The following CPXM2 variants were observed in gnomAD, a reference collection of about 807,000 sequenced individuals.
CPXM2 encodes the protein carboxypeptidase X, M14 family member 2.
A neutral mutation model predicts 86.1 loss-of-function variants in CPXM2; 66 were observed. The ratio of observed to expected loss-of-function variants is 0.77; its 90% CI spans 0.63 to 0.94. CPXM2 has a LOEUF of 0.94. Among genes scored for constraint, CPXM2 ranks in the 40% least tolerant of loss-of-function variants. The pLI is 0.00. For missense variants in CPXM2, 948 were observed against 1,026.3 expected (o/e 0.92, Z 1.04); for synonymous variants, 388 against 400.2 (o/e 0.97, Z 0.36).
At chr10:123,852,573 C>T (rs7094228) in intron 3 of CPXM2, among the ~76,000 whole-genome samples, 17,777 of 152,218 alleles carry the variant, frequency 0.12, 1,290 homozygotes, top group East Asian at 0.33. Flanking sequence ...CATGTCATTC[C>T]TGTGTCCAGA....
intron 2 of CPXM2, 66 bp downstream of exon 2, chr10:123,880,145 T>TGGGCCCCCCCCCCC: frequency 1.2e-5 from 5 of 407,572 alleles, no homozygotes; most frequent in East Asian, 4.9e-5. Flanking sequence ...CAGGGGCCTG[T>TGGGCCCCCCCCCCC]ACCCACCCAC....
chr10:123,860,213 C>T (rs984349138), intron 3 of CPXM2, among the ~76,000 whole-genome samples: 1 of 152,190 alleles, frequency 6.6e-6, no homozygotes, highest in Non-Finnish European at 1.5e-5. Context: ...AGCCTTTCAA[C>T]AGAGGAAGGA....
intron 2 of CPXM2, among the ~76,000 whole-genome samples, chr10:123,871,839 T>A (rs1944901324): frequency 1.3e-5 from 2 of 152,194 alleles, no homozygotes; most frequent in African/African-American, 4.8e-5. Flanking sequence ...ATATTCATCG[T>A]ATTTTCAAGA....
At chr10:123,769,599 A>T (rs1846579590) in intron 8 of CPXM2, 1 of 152,172 alleles carries the variant, frequency 6.6e-6, no homozygotes, top group African/African-American at 2.4e-5. Flanking sequence ...GAAAAAAAAT[A>T]AAAGAGGTGG....
At chr10:123,825,947 C>T (rs548965752) in intron 4 of CPXM2, among the ~76,000 whole-genome samples, 30 of 152,226 alleles carry the variant, frequency 2.0e-4, no homozygotes, top group African/African-American at 6.7e-4. Flanking sequence ...TCCTCACACC[C>T]CTCAGCTGGC....
chr10:123,746,740 A>AC lies in CPXM2; in HGVS notation c.*23dup. 1.2e-6 allele frequency: 2 copies of AC among 1,612,134 alleles called. No individual in the cohort carries two copies. Reference sequence around the variant, plus strand: ...TTGGTTTAATTTGCATGGGTCCCAGACGAGTCTCAAGGGCCCAGGAGGGTC... The same window carrying AC: ...TTGGTTTAATTTGCATGGGTCCCAGACCGAGTCTCAAGGGCCCAGGAGGGTC... On this transcript the variant is annotated 3_prime_UTR_variant, in exon 14 of 14. Transcript: ENST00000241305.
At chr10:123,814,140 C>T (rs111289164) in intron 4 of CPXM2, among the ~76,000 whole-genome samples, 5,248 of 152,206 alleles carry the variant, frequency 0.034, 304 homozygotes, top group African/African-American at 0.12. Context: ...TCAACTTGAT[C>T]GGCTTGAAGG....
intron 2 of CPXM2, among the ~76,000 whole-genome samples, chr10:123,933,634 C>A (rs1043782410): frequency 1.3e-5 from 2 of 152,106 alleles, no homozygotes; most frequent in Non-Finnish European, 2.9e-5. Context: ...AGGAGATTCG[C>A]TTGAACCCGG....
intron 3 of CPXM2, among the ~76,000 whole-genome samples, chr10:123,855,116 AG>A (rs1333060835): frequency 1.3e-5 from 2 of 152,018 alleles, no homozygotes. Flanking sequence ...TAAAATATTC[AG>A]TCCTGTTATT....
At chr10:123,775,331 C>T (rs1443046973) in intron 7 of CPXM2, among the ~76,000 whole-genome samples, 1 of 152,214 alleles carries the variant, frequency 6.6e-6, no homozygotes, top group African/African-American at 2.4e-5. Context: ...AACTGGCAGG[C>T]AATTCACTGT....
intron 2 of CPXM2, chr10:123,913,707 G>T: frequency 4.6e-6 from 1 of 217,420 alleles, no homozygotes; most frequent in Non-Finnish European, 9.4e-6. Flanking sequence ...AAAGACGAGG[G>T]GTGGGGAGCG....
At chr10:123,898,039 G>A (rs1228316378) in intron 2 of CPXM2, among the ~76,000 whole-genome samples, 2 of 152,148 alleles carry the variant, frequency 1.3e-5, no homozygotes, top group African/African-American at 4.8e-5. Flanking sequence ...GTCTGCTGTC[G>A]GGCAATCAGA....
At chr10:123,848,528 A>C (rs943976831) in intron 3 of CPXM2, among the ~76,000 whole-genome samples, 5 of 152,386 alleles carry the variant, frequency 3.3e-5, no homozygotes, top group South Asian at 4.1e-4. Context: ...TAAACCATTT[A>C]TTAACTATTT....
intron 2 of CPXM2, among the ~76,000 whole-genome samples, chr10:123,926,479 C>T (rs1374607182): frequency 6.6e-6 from 1 of 152,220 alleles, no homozygotes; most frequent in African/African-American, 2.4e-5. Context: ...TAATTGCTTC[C>T]TGAACATGTT....
chr10:123,808,359 A>AAACAACAACAAC (rs57892592), intron 4 of CPXM2, among the ~76,000 whole-genome samples: 77 of 150,290 alleles, frequency 5.1e-4, no homozygotes, highest in Admixed American at 1.4e-3. Flanking sequence ...GGGCAAACAA[A>AAACAACAACAAC]AACAACAACA....
chr10:123,763,126 G>A (rs760882689), intron 10 of CPXM2, among the ~76,000 whole-genome samples: 70 of 152,200 alleles, frequency 4.6e-4, no homozygotes, highest in Middle Eastern at 3.4e-3. Context: ...TGCAACCTCC[G>A]CCTCCCGGGT....
At chr10:123,801,457 T>C (rs148602919) in intron 4 of CPXM2, among the ~76,000 whole-genome samples, 8 of 152,246 alleles carry the variant, frequency 5.3e-5, no homozygotes, top group Admixed American at 1.3e-4. Flanking sequence ...TTCCCCTATA[T>C]TGAATCCATC....
chr10:123,858,601 G>A (rs1848792067), intron 3 of CPXM2, among the ~76,000 whole-genome samples: 1 of 152,178 alleles, frequency 6.6e-6, no homozygotes, highest in South Asian at 2.1e-4. Flanking sequence ...TGCTCCCTGT[G>A]TCTGTTTTTC....
At chr10:123,882,746 T>C (rs1423417118) in intron 1 of CPXM2, among the ~76,000 whole-genome samples, 1 of 150,364 alleles carries the variant, frequency 6.7e-6, no homozygotes, top group Non-Finnish European at 1.5e-5. Context: ...CCCAATACTA[T>C]GGCCTGGACA....
Sources: gnomAD v4.1 joint callset for allele counts (sites outside exome capture counted in the v4.1 genomes callset) on GRCh38, gnomAD v4.1.1 for gene constraint, MANE v1.5 for transcripts, NCBI Gene and HGNC (gene_info 2026-07-23, HGNC 2026-07-21) for gene names.